HUWE1: variants seen among roughly 807,000 people sequenced by gnomAD.
HUWE1 encodes HECT, UBA and WWE domain containing E3 ubiquitin protein ligase 1.
HUWE1 carries 18 observed loss-of-function variants against 299.4 expected under a neutral mutation model. That is an observed-to-expected ratio of 0.06 (90% CI 0.04 to 0.09). The LOEUF (loss-of-function observed/expected upper bound fraction) is 0.09, where lower values mean the gene tolerates loss of function less well. HUWE1 is among the 10% of genes least tolerant of loss of function. The probability of loss-of-function intolerance (pLI) is 1.00; values close to 1 mark genes in which losing one functional copy is unlikely to be tolerated. For missense variants in HUWE1, 1,832 were observed against 3,462.3 expected, an observed-to-expected ratio of 0.53 and a Z score of 11.82; for synonymous variants, 1,317 against 1,286.1, an observed-to-expected ratio of 1.02 and a Z score of -0.51.
intron 3 of HUWE1, among the ~76,000 whole-genome samples, chrX:53,654,360 C>A (rs781861343): frequency 8.9e-6 from 1 of 111,889 alleles, no homozygotes; most frequent in African/African-American, 3.2e-5. Context: ...AGACTGAAAC[C>A]AAATCAGGTC....
chrX:53,625,684 T>G (rs2066435132), intron 17 of HUWE1: 1 of 156,452 alleles, frequency 6.4e-6, no homozygotes, highest in African/African-American at 3.2e-5. Context: ...CATGGGATGC[T>G]AACCTCCAAA....
rs2063728865 is a variant in HUWE1, at chrX:53,583,579, G to A, written c.5499C>T (p.Thr1833=). 1 of 1,200,727 alleles carries A rather than the reference G, an allele frequency of 8.3e-7. No homozygotes were observed. The highest frequency in any genetic ancestry group is 2.2e-5 in the Admixed American group (1 of 45,788). Residue 1833 remains threonine (T), a synonymous_variant, in exon 42 of 84, where the codon ACC becomes ACT. Transcript: ENST00000262854. ...TCACCTTTTCCATGGTATGACGAAG[G>A]GTACAGGGGTCCTCAATGATGTGTC... ...LLRHIIEDPC[T]LRHTMEKVVR...
chrX:53,575,920 G>C, intron 44 of HUWE1, 132 bp from the exon 45 acceptor site: 1 of 654,107 alleles, frequency 1.5e-6, no homozygotes, highest in Non-Finnish European at 2.3e-6. Flanking sequence ...TGCTATTACA[G>C]ATAATGTTAG....
At chrX:53,658,516 A>C (rs1484743067) in intron 3 of HUWE1, among the ~76,000 whole-genome samples, 2 of 111,974 alleles carry the variant, frequency 1.8e-5, no homozygotes, top group African/African-American at 6.5e-5. Flanking sequence ...AGAATGAACA[A>C]ATCAATGGAA....
At chrX:53,539,609 C>T (rs781974383) in intron 75 of HUWE1, 48 bp downstream of exon 75, 1 of 1,187,335 alleles carries the variant, frequency 8.4e-7, no homozygotes, top group Non-Finnish European at 1.1e-6. Context: ...GGAAGGGCCC[C>T]AGAGCAGACC....
intron 5 of HUWE1, 126 bp downstream of exon 5, chrX:53,648,086 C>T (rs2068180849): frequency 1.9e-6 from 1 of 530,423 alleles, no homozygotes; most frequent in African/African-American, 2.3e-5. Flanking sequence ...GCACATGGCA[C>T]ATGCTAGATG....
At chrX:53,659,400 A>C (rs782590625) in intron 3 of HUWE1, among the ~76,000 whole-genome samples, 44 of 112,063 alleles carry the variant, frequency 3.9e-4, no homozygotes, top group Non-Finnish European at 7.1e-4. Flanking sequence ...ACAAACATGG[A>C]GGAAACCTAA....
intron 49 of HUWE1, among the ~76,000 whole-genome samples, chrX:53,566,081 ATG>A (rs2062519798): frequency 1.1e-5 from 1 of 89,842 alleles, no homozygotes; most frequent in African/African-American, 4.1e-5. Flanking sequence ...GTGTGTATTT[ATG>A]TGTGAGTCTA....
intron 2 of HUWE1, among the ~76,000 whole-genome samples, chrX:53,682,690 G>A (rs2070233434): frequency 9.0e-6 from 1 of 111,106 alleles, no homozygotes; most frequent in Non-Finnish European, 1.9e-5. Context: ...GAAGTGAGAA[G>A]CAGGTAAGAG....
intron 67 of HUWE1, 116 bp from the exon 68 acceptor site, chrX:53,548,389 T>C: frequency 3.5e-6 from 3 of 846,747 alleles, no homozygotes; most frequent in Non-Finnish European, 5.1e-6. Context: ...TGGTAAATAT[T>C]GGGGGATATG....
intron 81 of HUWE1, 152 bp from the exon 82 acceptor site, chrX:53,534,849 C>T (rs782343132): frequency 8.3e-6 from 4 of 483,656 alleles, no homozygotes; most frequent in African/African-American, 4.8e-5. Flanking sequence ...TAGTCTCAAC[C>T]CCCTGGGCTC....
At chrX:53,576,658 T>C (rs1231185429) in intron 44 of HUWE1, among the ~76,000 whole-genome samples, 1 of 112,111 alleles carries the variant, frequency 8.9e-6, no homozygotes, top group African/African-American at 3.2e-5. Context: ...CAAAGAAATT[T>C]TCTTACCTGT....
chrX:53,579,102 C>G (rs2063447448), intron 43 of HUWE1, among the ~76,000 whole-genome samples: 1 of 85,431 alleles, frequency 1.2e-5, no homozygotes, highest in Non-Finnish European at 2.3e-5. Context: ...GGCCAGCCGC[C>G]CCGTCTGGGA....
At chrX:53,576,002 G>A (rs1556958415) in intron 44 of HUWE1, among the ~76,000 whole-genome samples, 2 of 112,325 alleles carry the variant, frequency 1.8e-5, no homozygotes, top group Admixed American at 9.4e-5. Flanking sequence ...ACTTTCCTAA[G>A]CTGTAACTAC....
At chrX:53,618,346 T>C (rs933447384) in intron 19 of HUWE1, among the ~76,000 whole-genome samples, 3 of 109,204 alleles carry the variant, frequency 2.7e-5, no homozygotes, top group Admixed American at 2.0e-4. Flanking sequence ...AAAAAAAAAA[T>C]TTATTCTACA....
intron 69 of HUWE1, 43 bp downstream of exon 69, chrX:53,546,661 C>T (rs782268169): frequency 3.3e-6 from 4 of 1,210,520 alleles, no homozygotes; most frequent in South Asian, 1.8e-5. Flanking sequence ...CCTGTTTATC[C>T]TTTCTCCCCA....
At chrX:53,613,993 G>A (rs782769780) in intron 23 of HUWE1, among the ~76,000 whole-genome samples, 5 of 112,192 alleles carry the variant, frequency 4.5e-5, no homozygotes, top group African/African-American at 9.7e-5. Context: ...GGCCGGATGC[G>A]GTAGCTCACG....
At chrX:53,535,813 A>C in intron 80 of HUWE1, 1 of 382,739 alleles carries the variant, frequency 2.6e-6, no homozygotes, top group Non-Finnish European at 4.6e-6. Flanking sequence ...CTCTTAGGAA[A>C]AGAATTTAGG....
At chrX:53,578,388 C>A (rs1556961860) in intron 43 of HUWE1, among the ~76,000 whole-genome samples, 1 of 97,733 alleles carries the variant, frequency 1.0e-5, no homozygotes, top group African/African-American at 3.9e-5. Flanking sequence ...GCCAGCCGCC[C>A]CGTCCGGGAG....
Sources: allele counts gnomAD v4.1 joint callset (sites outside exome capture counted in the v4.1 genomes callset), GRCh38; gene constraint gnomAD v4.1.1; transcripts MANE v1.5; gene names NCBI Gene and HGNC (gene_info 2026-07-23, HGNC 2026-07-21).